The following ADAMTS12 variants were observed in gnomAD, a reference collection of about 807,000 sequenced individuals.
The protein encoded by ADAMTS12 is ADAM metallopeptidase with thrombospondin type 1 motif 12.
ADAMTS12 carries 118 observed loss-of-function variants against 167.8 expected under a neutral mutation model. The observed-to-expected ratio is 0.70, with a 90% confidence interval of 0.61 to 0.82. ADAMTS12 has a LOEUF of 0.82. ADAMTS12 is among the 40% of genes least tolerant of loss of function. The pLI, the probability that ADAMTS12 is intolerant of heterozygous loss-of-function variation, is 0.00. For synonymous variants in ADAMTS12, 704 were observed against 716.9 expected, an observed-to-expected ratio of 0.98 and a Z score of 0.29; for missense variants, 1,916 against 1,998.8, an observed-to-expected ratio of 0.96 and a Z score of 0.79.
At chr5:33,648,800 A>G in intron 9 of ADAMTS12, 22 bp downstream of exon 9, 1 of 1,613,744 alleles carries the variant, frequency 6.2e-7, no homozygotes, top group South Asian at 1.1e-5. Context: ...CCCTGCATAT[A>G]GCCACCAAGA....
rs150558033 is a variant in ADAMTS12, at chr5:33,733,588, T to C, written c.634+17816A>G. Among the ~76,000 whole-genome samples the C allele has an allele frequency of 2.4e-3, 358 of 152,308 alleles. 3 individuals are homozygous for C. Among genetic ancestry groups the C allele is most frequent in the African/African-American group, 8.2e-3 (339 of 41,566 alleles). ...GAGCTGGAAACCAGCTTTGAATGGATTGGTCTTGGCCAGTAAAAGTGGCTG... is the reference window on the plus strand; with the variant it reads ...GAGCTGGAAACCAGCTTTGAATGGACTGGTCTTGGCCAGTAAAAGTGGCTG... On this transcript the variant is annotated intron_variant, in intron 3 of 23. Transcript: ENST00000504830.
intron 5 of ADAMTS12, among the ~76,000 whole-genome samples, chr5:33,670,547 G>C (rs1024991045): frequency 1.3e-5 from 2 of 152,166 alleles, no homozygotes; most frequent in African/African-American, 4.8e-5. Flanking sequence ...TTTGAGACCA[G>C]CCTGGCCAAC....
chr5:33,842,733 T>A (rs1748790804), intron 2 of ADAMTS12, among the ~76,000 whole-genome samples: 1 of 152,046 alleles, frequency 6.6e-6, no homozygotes, highest in South Asian at 2.1e-4. Flanking sequence ...ACCCTGTAGG[T>A]GACCCATAAA....
chr5:33,868,070 G>T (rs911509243), intron 2 of ADAMTS12, among the ~76,000 whole-genome samples: 3 of 152,074 alleles, frequency 2.0e-5, no homozygotes, highest in African/African-American at 7.2e-5. Flanking sequence ...CACCATGATT[G>T]TAAATTTCTT....
chr5:33,869,021 C>T (rs1388724769), intron 2 of ADAMTS12, among the ~76,000 whole-genome samples: 1 of 152,180 alleles, frequency 6.6e-6, no homozygotes, highest in Non-Finnish European at 1.5e-5. Context: ...GCAAAGAGAA[C>T]TGAATGTTAA....
At chr5:33,552,662 C>T (rs983233463) in intron 20 of ADAMTS12, among the ~76,000 whole-genome samples, 8 of 152,142 alleles carry the variant, frequency 5.3e-5, no homozygotes, top group African/African-American at 1.2e-4. Flanking sequence ...TAAAATAATT[C>T]GAAGATCAGA....
At chr5:33,588,880 A>T in intron 17 of ADAMTS12, 71 bp from the exon 18 acceptor site, 1 of 1,558,412 alleles carries the variant, frequency 6.4e-7, no homozygotes, top group South Asian at 1.1e-5. Flanking sequence ...CCACTGAGAA[A>T]GCAGGGGCAG....
intron 2 of ADAMTS12, among the ~76,000 whole-genome samples, chr5:33,766,675 G>A (rs1346747846): frequency 6.6e-6 from 1 of 151,954 alleles, no homozygotes; most frequent in Non-Finnish European, 1.5e-5. Context: ...TTTTAAAAGT[G>A]TACTTTTAAA....
intron 2 of ADAMTS12, among the ~76,000 whole-genome samples, chr5:33,789,588 G>A (rs16891722): frequency 0.13 from 19,121 of 152,218 alleles, 1,580 homozygotes; most frequent in East Asian, 0.4. Flanking sequence ...TAGTGGCTGC[G>A]TAGAGTACCT....
intron 1 of ADAMTS12, among the ~76,000 whole-genome samples, chr5:33,882,599 A>T (rs1016151867): frequency 4.6e-5 from 7 of 151,846 alleles, no homozygotes; most frequent in African/African-American, 1.7e-4. Context: ...TTTGTTTTGT[A>T]TTGTTTTTTG....
intron 22 of ADAMTS12, 51 bp downstream of exon 22, chr5:33,546,008 T>TAAA (rs11338120): frequency 7.2e-7 from 1 of 1,386,960 alleles, no homozygotes; most frequent in Non-Finnish European, 9.7e-7. Flanking sequence ...CTTAAAGTAT[T>TAAA]AAAAAAAAAA....
intron 17 of ADAMTS12, among the ~76,000 whole-genome samples, chr5:33,595,553 C>T (rs1399854773): frequency 6.6e-6 from 1 of 152,204 alleles, no homozygotes; most frequent in Non-Finnish European, 1.5e-5. Flanking sequence ...TACAAGTGGG[C>T]ACTGTGATCG....
chr5:33,675,911 T>C (rs941716406), intron 5 of ADAMTS12, among the ~76,000 whole-genome samples: 103 of 152,290 alleles, frequency 6.8e-4, no homozygotes, highest in African/African-American at 2.4e-3. Context: ...AGAGAGACTA[T>C]GATGGCTCAC....
intron 7 of ADAMTS12, among the ~76,000 whole-genome samples, chr5:33,650,774 T>C (rs1740840584): frequency 6.6e-6 from 1 of 152,216 alleles, no homozygotes; most frequent in African/African-American, 2.4e-5. Context: ...AGACGTTTTC[T>C]GAGATTCCCA....
chr5:33,832,143 C>T (rs944297098), intron 2 of ADAMTS12, among the ~76,000 whole-genome samples: 7 of 152,184 alleles, frequency 4.6e-5, no homozygotes, highest in African/African-American at 1.7e-4. Flanking sequence ...AAGGTGTGAA[C>T]AGTATCTGCA....
chr5:33,576,320 C>G lies in ADAMTS12; in HGVS notation c.3706G>C (p.Val1236Leu). The change falls in exon 19 of 24, where the codon GTT becomes CTT. Residue 1236 changes from valine (V) to leucine (L), a missense_variant. Physicochemically the swap from Val to Leu is conservative, Grantham distance 32. Transcript: ENST00000504830. ...PTTSETGTPR[V>L]EGMVTEKPAN... ...GGCTTTTCAGTAACCATCCCCTCAA[C>G]TCTGGGTGTCCCAGTTTCGGAAGTA... The G allele has an allele frequency of 6.2e-7, 1 of 1,614,204 alleles. No individual in the cohort carries two copies. Among genetic ancestry groups the G allele is most frequent in the East Asian group, 2.2e-5 (1 of 44,888 alleles).
Position 33,576,113 on chromosome 5 carries a change from A to C in ADAMTS12, c.3913T>G (p.Tyr1305Asp). The stretch of plus-strand genomic sequence containing the variant: ...CCGTGGCCGTTTGTGAGCTGCTTGT[A>C]ATTGGAGGCATTTAGCAAAAAGCCC... ...TEGFLLNASNYKQLTNGHGSA... is the reference protein window; with the variant it reads ...TEGFLLNASNDKQLTNGHGSA... Residue 1305 changes from tyrosine to aspartate, a missense_variant, in exon 19 of 24, where the codon TAC becomes GAC. Transcript: ENST00000504830. 1 of 1,614,112 alleles carries C rather than the reference A, an allele frequency of 6.2e-7. No homozygotes were observed. Among genetic ancestry groups the C allele is most frequent in the Non-Finnish European group, 8.5e-7 (1 of 1,180,020 alleles).
At chr5:33,570,634 G>A (rs1198152878) in intron 19 of ADAMTS12, among the ~76,000 whole-genome samples, 10 of 152,108 alleles carry the variant, frequency 6.6e-5, no homozygotes, top group African/African-American at 2.4e-4. Context: ...ACCAGCTTCA[G>A]CAAAATCATG....
chr5:33,884,191 G>A (rs1750559922), intron 1 of ADAMTS12, among the ~76,000 whole-genome samples: 2 of 152,092 alleles, frequency 1.3e-5, no homozygotes, highest in Admixed American at 1.3e-4. Context: ...CCTCAATGTG[G>A]ACAATTCCTC....
Sources: gnomAD v4.1 joint callset for allele counts (sites outside exome capture counted in the v4.1 genomes callset) on GRCh38, gnomAD v4.1.1 for gene constraint, MANE v1.5 for transcripts, NCBI Gene and HGNC (gene_info 2026-07-23, HGNC 2026-07-21) for gene names.